The following ST18 variants were observed in gnomAD, a reference collection of about 807,000 sequenced individuals.
ST18 encodes suppression of tumorigenicity 18 protein.
Under a neutral mutation model 110.0 loss-of-function variants are expected in ST18, and 50 were observed. The ratio of observed to expected loss-of-function variants is 0.45; its 90% CI spans 0.36 to 0.58. The LOEUF (loss-of-function observed/expected upper bound fraction) is 0.58, where lower values mean the gene tolerates loss of function less well. ST18 is among the 20% of genes least tolerant of loss of function. ST18 has a pLI of 0.00. For missense variants in ST18, 1,306 were observed against 1,280.1 expected, an observed-to-expected ratio of 1.02 and a Z score of -0.31; for synonymous variants, 461 against 452.4, an observed-to-expected ratio of 1.02 and a Z score of -0.24.
At chr8:52,276,568 G>A (rs940053969) in intron 2 of ST18, among the ~76,000 whole-genome samples, 3 of 152,094 alleles carry the variant, frequency 2.0e-5, no homozygotes, top group African/African-American at 7.2e-5. Context: ...TTGCCTCAGT[G>A]AGGACTCAGT....
chr8:52,333,038 G>A (rs1374084861), intron 2 of ST18, among the ~76,000 whole-genome samples: 2 of 152,018 alleles, frequency 1.3e-5, no homozygotes, highest in Non-Finnish European at 2.9e-5. Context: ...ACTGAGGTGG[G>A]ATTCAGATAC....
At chr8:52,351,337 G>C (rs758511535) in intron 2 of ST18, among the ~76,000 whole-genome samples, 3 of 152,168 alleles carry the variant, frequency 2.0e-5, no homozygotes, top group Non-Finnish European at 2.9e-5. Context: ...TGAATCTGCA[G>C]AGTACACTGA....
At chr8:52,125,634 G>T (rs1056576180) in intron 23 of ST18, among the ~76,000 whole-genome samples, 1 of 151,138 alleles carries the variant, frequency 6.6e-6, no homozygotes, top group Non-Finnish European at 1.5e-5. Flanking sequence ...TGGGACTACA[G>T]GTGTGCCCCA....
intron 16 of ST18, among the ~76,000 whole-genome samples, chr8:52,149,390 A>T (rs1273039935): frequency 6.6e-6 from 1 of 152,262 alleles, no homozygotes; most frequent in Non-Finnish European, 1.5e-5. Context: ...TTCAGAAAGA[A>T]TTAGTAAGCT....
At chr8:52,218,791 T>A (rs1353782117) in intron 5 of ST18, among the ~76,000 whole-genome samples, 6 of 152,052 alleles carry the variant, frequency 3.9e-5, no homozygotes, top group African/African-American at 1.4e-4. Flanking sequence ...CGCCTGAGAT[T>A]TTTGACCTGG....
At chr8:52,164,290 G>A (rs942015528) in intron 12 of ST18, among the ~76,000 whole-genome samples, 200 bp from the exon 13 acceptor site, 1 of 152,156 alleles carries the variant, frequency 6.6e-6, no homozygotes. Flanking sequence ...CCATCTCAGA[G>A]GTGAAAGGTA....
intron 2 of ST18, among the ~76,000 whole-genome samples, chr8:52,377,640 T>C (rs763727268): frequency 4.6e-5 from 7 of 152,242 alleles, no homozygotes; most frequent in Admixed American, 1.3e-4. Flanking sequence ...AGAACCCTTA[T>C]ACACTGTTGG....
chr8:52,251,952 T>C (rs532359773), intron 2 of ST18, among the ~76,000 whole-genome samples: 50 of 152,230 alleles, frequency 3.3e-4, no homozygotes, highest in African/African-American at 1.1e-3. Flanking sequence ...TGGATTTCTA[T>C]AGCAGACATG....
intron 2 of ST18, among the ~76,000 whole-genome samples, chr8:52,306,195 G>T (rs1273884506): frequency 6.6e-6 from 1 of 152,192 alleles, no homozygotes; most frequent in Non-Finnish European, 1.5e-5. Flanking sequence ...CATATTTTCA[G>T]TGATGCCAGC....
At chr8:52,317,582 C>G (rs1241721491) in intron 2 of ST18, among the ~76,000 whole-genome samples, 2 of 152,202 alleles carry the variant, frequency 1.3e-5, no homozygotes, top group African/African-American at 4.8e-5. Flanking sequence ...CTGGACCTGA[C>G]TGTTTCTCCC....
intron 2 of ST18, among the ~76,000 whole-genome samples, chr8:52,311,082 A>G (rs941832809): frequency 6.6e-6 from 1 of 152,224 alleles, no homozygotes; most frequent in Admixed American, 6.5e-5. Flanking sequence ...TCCAGAGCAA[A>G]CAGGTGAGTA....
chr8:52,229,022 C>G (rs1395489670), intron 3 of ST18, among the ~76,000 whole-genome samples: 1 of 152,104 alleles, frequency 6.6e-6, no homozygotes, highest in Non-Finnish European at 1.5e-5. Flanking sequence ...AAGTAGAAAA[C>G]AGAACTCTCT....
At chr8:52,293,883 A>G (rs1359887322) in intron 2 of ST18, among the ~76,000 whole-genome samples, 1 of 152,214 alleles carries the variant, frequency 6.6e-6, no homozygotes, top group African/African-American at 2.4e-5. Context: ...TTCTTGTCCT[A>G]GAATTGAATC....
chr8:52,193,910 C>T (rs1405942162), intron 8 of ST18, among the ~76,000 whole-genome samples: 1 of 152,174 alleles, frequency 6.6e-6, no homozygotes, highest in South Asian at 2.1e-4. Context: ...TTGAAGCCTT[C>T]TCCTATTACT....
At chr8:52,196,229 C>A (rs1030846713) in intron 8 of ST18, among the ~76,000 whole-genome samples, 2 of 152,142 alleles carry the variant, frequency 1.3e-5, no homozygotes, top group Non-Finnish European at 2.9e-5. Flanking sequence ...CAAGGTTGCT[C>A]CTGGGTCAGT....
At chr8:52,323,670 C>T (rs957478896) in intron 2 of ST18, among the ~76,000 whole-genome samples, 1 of 152,142 alleles carries the variant, frequency 6.6e-6, no homozygotes, top group Admixed American at 6.5e-5. Context: ...AAATCCAAAA[C>T]CCTCTGCCTC....
intron 17 of ST18, among the ~76,000 whole-genome samples, chr8:52,142,388 T>G (rs963478591): frequency 1.3e-5 from 2 of 152,196 alleles, no homozygotes; most frequent in African/African-American, 4.8e-5. Flanking sequence ...TGCTGTAAAC[T>G]CTCATTAACT....
chr8:52,276,154 G>GGCAAACTACA (rs2095245834), intron 2 of ST18, among the ~76,000 whole-genome samples: 1 of 13,760 alleles, frequency 7.3e-5, no homozygotes. Context: ...TGCACACCAC[G>GGCAAACTACA]CACCACACAT....
At position 52,204,587 on chromosome 8, in the gene ST18, C is replaced by T. The variant is rs139289089; in HGVS notation, c.86+7492G>A. On this transcript the variant is annotated intron_variant, in intron 8 of 25. Coordinates refer to ENST00000689386, the MANE Select transcript of ST18 (RefSeq NM_001352837.2). The stretch of plus-strand genomic sequence containing the variant: ...GGTTTGTTACCGATGCTGTGAATTG[C>T]GTATCCACTGAAACATCTAATACTA... Among the ~76,000 whole-genome samples the T allele has an allele frequency of 2.0e-3, 302 of 152,184 alleles. 1 individual carries two copies. The highest frequency in any genetic ancestry group is 6.2e-3 in the African/African-American group (256 of 41,516).
Sources: allele counts gnomAD v4.1 joint callset (sites outside exome capture counted in the v4.1 genomes callset), GRCh38; gene constraint gnomAD v4.1.1; transcripts MANE v1.5; gene names NCBI Gene and HGNC (gene_info 2026-07-23, HGNC 2026-07-21).